The following TENM3 variants were observed in gnomAD, a reference collection of about 807,000 sequenced individuals.
TENM3 encodes teneurin-3.
A neutral mutation model predicts 255.1 loss-of-function variants in TENM3; 63 were observed. The ratio of observed to expected loss-of-function variants is 0.25; its 90% confidence interval spans 0.20 to 0.30. The LOEUF (loss-of-function observed/expected upper bound fraction) is 0.30, where lower values mean the gene tolerates loss of function less well. Among genes scored for constraint, TENM3 ranks in the 10% least tolerant of loss-of-function variants. TENM3 has a pLI of 1.00. For missense variants in TENM3, 2,929 were observed against 3,461.1 expected, an observed-to-expected ratio of 0.85 and a Z score of 3.86; for synonymous variants, 1,306 against 1,322.3, an observed-to-expected ratio of 0.99 and a Z score of 0.27.
chr4:182,282,531 A>G (rs949124138), intron 1 of TENM3, among the ~76,000 whole-genome samples: 1 of 152,188 alleles, frequency 6.6e-6, no homozygotes, highest in African/African-American at 2.4e-5. Context: ...CGGAGTACCA[A>G]TGTGCCTTTG....
chr4:182,497,843 AATACATATATATATATAT>A (rs1346604451), intron 3 of TENM3, among the ~76,000 whole-genome samples: 3 of 90,108 alleles, frequency 3.3e-5, no homozygotes, highest in East Asian at 3.0e-4. Context: ...CTCTACTAAA[AATACATATATATATATAT>A]ATATATATAT....
At chr4:181,584,505 T>C in the TENM3 span, among the ~76,000 whole-genome samples, 1 of 152,148 alleles carries the variant, frequency 6.6e-6, no homozygotes. Context: ...AAGTGTGTGG[T>C]TTAGGAATGA....
chr4:182,008,628 C>A, the TENM3 span, among the ~76,000 whole-genome samples: 1 of 151,946 alleles, frequency 6.6e-6, no homozygotes, highest in African/African-American at 2.4e-5. Context: ...ATTCCTCTGA[C>A]CTTTTATCAA....
chr4:181,452,726 G>A, the TENM3 span, among the ~76,000 whole-genome samples: 8 of 152,268 alleles, frequency 5.3e-5, no homozygotes, highest in Admixed American at 1.3e-4. Context: ...AGGAAATGCC[G>A]AGATGAGATC....
the TENM3 span, among the ~76,000 whole-genome samples, chr4:181,794,681 T>G: frequency 6.6e-6 from 1 of 151,722 alleles, no homozygotes; most frequent in Non-Finnish European, 1.5e-5. Flanking sequence ...TGTGTGTGTG[T>G]GTGTGTGTGT....
At chr4:182,091,360 AG>A in the TENM3 span, among the ~76,000 whole-genome samples, 1 of 152,222 alleles carries the variant, frequency 6.6e-6, no homozygotes, top group Non-Finnish European at 1.5e-5. Context: ...GAAAGGGCAA[AG>A]GGGATGCTGA....
At chr4:181,607,692 C>T in the TENM3 span, among the ~76,000 whole-genome samples, 214 of 152,188 alleles carry the variant, frequency 1.4e-3, 2 homozygotes, top group Non-Finnish European at 2.5e-3. Context: ...AGTGAGTCAC[C>T]GTGCCTGGCC....
the TENM3 span, among the ~76,000 whole-genome samples, chr4:181,986,213 C>T: frequency 6.6e-6 from 1 of 152,136 alleles, no homozygotes; most frequent in East Asian, 1.9e-4. Flanking sequence ...AGCAGATTTC[C>T]CTCACGTTTC....
chr4:182,597,698 T>C (rs889706026), intron 3 of TENM3, among the ~76,000 whole-genome samples: 1 of 152,234 alleles, frequency 6.6e-6, no homozygotes, highest in Non-Finnish European at 1.5e-5. Context: ...ATTCTATCTT[T>C]ATTTTTGGCA....
At chr4:181,849,949 T>TCTCTCTCACACA in the TENM3 span, among the ~76,000 whole-genome samples, 5,992 of 65,880 alleles carry the variant, frequency 0.091, 374 homozygotes, top group Admixed American at 0.15. Flanking sequence ...TCTCTCTCTC[T>TCTCTCTCACACA]CACACACACA....
chr4:182,204,946 AT>A (rs1250676229), intron 1 of TENM3, among the ~76,000 whole-genome samples: 2 of 152,178 alleles, frequency 1.3e-5, no homozygotes, highest in African/African-American at 4.8e-5. Flanking sequence ...ATTGTTCTCC[AT>A]TTCCCAGCAA....
intron 3 of TENM3, among the ~76,000 whole-genome samples, chr4:182,477,879 TAATG>T (rs1733828353): frequency 6.6e-6 from 1 of 152,116 alleles, no homozygotes; most frequent in African/African-American, 2.4e-5. Flanking sequence ...AAGTAAAAAA[TAATG>T]AATAAAATTA....
the TENM3 span, among the ~76,000 whole-genome samples, chr4:181,827,209 T>A: frequency 1.3e-5 from 2 of 152,156 alleles, no homozygotes; most frequent in East Asian, 3.9e-4. Flanking sequence ...GTAACACCTA[T>A]CGATTAGTGC....
At chr4:182,037,407 C>G in the TENM3 span, among the ~76,000 whole-genome samples, 1 of 152,178 alleles carries the variant, frequency 6.6e-6, no homozygotes, top group Admixed American at 6.5e-5. Context: ...TTCGGCCTCC[C>G]AAAGTGCTGG....
chr4:182,641,603 C>T (rs1752321198), intron 5 of TENM3, among the ~76,000 whole-genome samples: 1 of 151,800 alleles, frequency 6.6e-6, no homozygotes, highest in South Asian at 2.1e-4. Context: ...TCTCAGCTCA[C>T]TGCAACCTCC....
chr4:181,558,892 T>C, the TENM3 span, among the ~76,000 whole-genome samples: 1 of 152,240 alleles, frequency 6.6e-6, no homozygotes, highest in Non-Finnish European at 1.5e-5. Flanking sequence ...TATTTGATCA[T>C]TTCAAGAGCA....
chr4:181,619,496 A>G, the TENM3 span, among the ~76,000 whole-genome samples: 1 of 152,130 alleles, frequency 6.6e-6, no homozygotes, highest in East Asian at 1.9e-4. Flanking sequence ...ATCATTGCTC[A>G]CTGCAGCCTA....
the TENM3 span, among the ~76,000 whole-genome samples, chr4:181,688,021 C>T: frequency 6.6e-6 from 1 of 152,074 alleles, no homozygotes; most frequent in Non-Finnish European, 1.5e-5. Flanking sequence ...TTATGTAAAT[C>T]ACTTTTGTAA....
At chr4:182,028,018 T>G in the TENM3 span, among the ~76,000 whole-genome samples, 5 of 152,184 alleles carry the variant, frequency 3.3e-5, no homozygotes, top group Admixed American at 1.3e-4. Context: ...ACTCCTTTAC[T>G]TTTTGGAAGA....
Sources: gnomAD v4.1 joint callset for allele counts (sites outside exome capture counted in the v4.1 genomes callset) on GRCh38, gnomAD v4.1.1 for gene constraint, MANE v1.5 for transcripts, NCBI Gene and HGNC (gene_info 2026-07-23, HGNC 2026-07-21) for gene names.